ENTPD5: variants seen among roughly 807,000 people sequenced by gnomAD.
ENTPD5 encodes nucleoside diphosphate phosphatase ENTPD5.
ENTPD5 carries 49 observed loss-of-function variants against 60.2 expected under a neutral mutation model. The observed-to-expected ratio is 0.81, with a 90% confidence interval of 0.65 to 1.03. ENTPD5 has a LOEUF of 1.03. Ranked by LOEUF, ENTPD5 falls within the 50% of genes least tolerant of loss-of-function variation. The probability of loss-of-function intolerance (pLI) is 0.00; values close to 1 mark genes in which losing one functional copy is unlikely to be tolerated. For missense variants in ENTPD5, 480 were observed against 507.6 expected (o/e 0.95, Z 0.52); for synonymous variants, 187 against 185.4 (o/e 1.01, Z -0.07).
intron 3 of ENTPD5, among the ~76,000 whole-genome samples, chr14:73,998,959 T>C (rs62005070): frequency 0.32 from 48,154 of 152,048 alleles, 9,269 homozygotes; most frequent in Non-Finnish European, 0.42. Flanking sequence ...ACTGAAGATA[T>C]TGAACTAGGG....
At chr14:73,980,689 C>G (rs190687393) in intron 6 of ENTPD5, among the ~76,000 whole-genome samples, 2 of 152,332 alleles carry the variant, frequency 1.3e-5, no homozygotes, top group Admixed American at 1.3e-4. Flanking sequence ...AGCCACTGCA[C>G]CGAGCCTGAT....
intron 6 of ENTPD5, among the ~76,000 whole-genome samples, chr14:73,977,747 C>G (rs2057504328): frequency 6.6e-6 from 1 of 152,154 alleles, no homozygotes; most frequent in Non-Finnish European, 1.5e-5. Flanking sequence ...AGGAGCCTTC[C>G]CACTCCATTC....
chr14:73,971,960 A>G (rs777883629), intron 13 of ENTPD5, 52 bp from the exon 14 acceptor site: 3 of 1,093,510 alleles, frequency 2.7e-6, no homozygotes, highest in South Asian at 1.2e-5. Flanking sequence ...AAGGAAGCAT[A>G]AGGAAATTCA....
chr14:73,976,939 C>CAGAATGAA, intron 8 of ENTPD5, 85 bp downstream of exon 8: 1 of 1,194,602 alleles, frequency 8.4e-7, no homozygotes, highest in South Asian at 1.3e-5. Context: ...AGAAACAATA[C>CAGAATGAA]AGAATGAAAG....
chr14:73,981,663 C>T (rs1182092939), intron 6 of ENTPD5, among the ~76,000 whole-genome samples: 3 of 151,268 alleles, frequency 2.0e-5, no homozygotes, highest in African/African-American at 7.3e-5. Context: ...AAAAATTAGC[C>T]GGGTGTGGTG....
downstream of ENTPD5, chr14:73,961,145 T>C: frequency 1.9e-6 from 3 of 1,609,492 alleles, no homozygotes; most frequent in Non-Finnish European, 1.7e-6. Context: ...CATTTCACCT[T>C]GTTTGTCTTG....
chr14:73,989,316 C>T (rs1015106940), intron 3 of ENTPD5, among the ~76,000 whole-genome samples: 11 of 151,968 alleles, frequency 7.2e-5, no homozygotes, highest in African/African-American at 2.4e-4. Context: ...AATCCCAGCA[C>T]TTTGGGAGGC....
At chr14:73,969,907 C>T in intron 15 of ENTPD5, 103 bp downstream of exon 15, 5 of 820,908 alleles carry the variant, frequency 6.1e-6, no homozygotes, top group South Asian at 1.5e-5. Context: ...AAAAATACCT[C>T]ATAATTTCAC....
At chr14:73,960,291 A>C, downstream of ENTPD5, 3 of 985,906 alleles carry the variant, frequency 3.0e-6, no homozygotes, top group Non-Finnish European at 3.6e-6. Flanking sequence ...TTTCAAAATG[A>C]GAGAACTTTT....
intron 5 of ENTPD5, among the ~76,000 whole-genome samples, chr14:73,984,589 CATT>C (rs1419522466): frequency 6.6e-6 from 1 of 152,310 alleles, no homozygotes; most frequent in African/African-American, 2.4e-5. Flanking sequence ...GCCCTTTGAT[CATT>C]ATTGTTAGCA....
intron 6 of ENTPD5, among the ~76,000 whole-genome samples, chr14:73,978,867 G>A (rs1265084708): frequency 2.6e-5 from 4 of 151,542 alleles, no homozygotes; most frequent in Non-Finnish European, 4.4e-5. Context: ...CAGAGATAGC[G>A]CCATTGCACT....
downstream of ENTPD5, chr14:73,959,845 C>T (rs1023052136): frequency 7.7e-6 from 10 of 1,297,358 alleles, no homozygotes; most frequent in African/African-American, 4.5e-5. Context: ...GCTGGGATTA[C>T]AGGCGTGAGC....
At chr14:73,986,916 CAG>C in intron 4 of ENTPD5, 23 bp from the exon 5 acceptor site, 1 of 1,589,344 alleles carries the variant, frequency 6.3e-7, no homozygotes. Flanking sequence ...TGGAACAAAA[CAG>C]AAGAGAGAGC....
intron 1 of ENTPD5, chr14:74,018,763 G>C (rs2059148919): frequency 6.6e-6 from 1 of 152,270 alleles, no homozygotes; most frequent in South Asian, 2.1e-4. Context: ...CTGGCGTGCC[G>C]CTGCTCTTCG....
intron 3 of ENTPD5, among the ~76,000 whole-genome samples, chr14:74,000,087 CAA>C (rs34536315): frequency 4.2e-4 from 32 of 76,016 alleles, no homozygotes; most frequent in South Asian, 1.4e-3. Context: ...GACTCCATCT[CAA>C]AAAAAAAAAA....
At position 73,993,988 on chromosome 14, in the gene ENTPD5, T is replaced by C. The variant is rs10143201; in HGVS notation, c.-70-5816A>G. ...AGTTGTTCAGTGTAAAACCAAACAA[T>C]AGATTTTAGAGAAAGCAAAGGATGA... On this transcript the variant is annotated intron_variant, in intron 3 of 15. Transcript: ENST00000334696. Among the ~76,000 whole-genome samples the C allele has an allele frequency of 7.4e-3, 1,115 of 151,118 alleles. 16 individuals carry two copies. Among genetic ancestry groups the C allele is most frequent in the African/African-American group, 0.026 (1,054 of 41,154 alleles).
downstream of ENTPD5, chr14:73,956,140 T>C (rs1972538): frequency 0.17 from 90,189 of 517,960 alleles, 10,182 homozygotes; most frequent in East Asian, 0.52. Context: ...CTGGCTAACA[T>C]GGTGAAACCC....
intron 7 of ENTPD5, 28 bp downstream of exon 7, chr14:73,977,271 C>A: frequency 6.4e-7 from 1 of 1,570,750 alleles, no homozygotes; most frequent in Non-Finnish European, 8.7e-7. Flanking sequence ...CCCTCTCCCC[C>A]TGGAACGCAT....
Position 73,963,380 on chromosome 14 carries a change from G to A in ENTPD5, c.*3548C>T, listed in dbSNP as rs990245354. 3.0e-6 allele frequency: 1 copy of A among 336,336 alleles called. No homozygotes were observed. The highest frequency in any genetic ancestry group is 2.1e-5 in the African/African-American group (1 of 46,908). The allele number at this position is 336,336 out of a possible 1,614,324, so 20.8% of individuals were successfully genotyped here. ...TACAGTTGTTTTTTGATAGAGGTAAGAATTAGACTCGATGCATTTTTGTTA... is the reference window on the plus strand; with the variant it reads ...TACAGTTGTTTTTTGATAGAGGTAAAAATTAGACTCGATGCATTTTTGTTA... On this transcript the variant is annotated 3_prime_UTR_variant, in exon 16 of 16. Transcript: ENST00000334696.
Sources: allele counts gnomAD v4.1 joint callset (sites outside exome capture counted in the v4.1 genomes callset), GRCh38; gene constraint gnomAD v4.1.1; transcripts MANE v1.5; gene names NCBI Gene and HGNC (gene_info 2026-07-23, HGNC 2026-07-21).